Variants in VAC14 observed in about 807,000 individuals in gnomAD.
The protein encoded by VAC14 is VAC14 component of PIKFYVE complex.
VAC14 carries 47 observed loss-of-function variants against 85.3 expected under a neutral mutation model. That is an observed-to-expected ratio of 0.55 (90% confidence interval 0.44 to 0.70). The LOEUF (loss-of-function observed/expected upper bound fraction) is 0.70, where lower values mean the gene tolerates loss of function less well. VAC14 is among the 30% of genes least tolerant of loss of function. The probability of loss-of-function intolerance (pLI) is 0.00; values close to 1 mark genes in which losing one functional copy is unlikely to be tolerated. For missense variants in VAC14, 861 were observed against 1,004.3 expected (o/e 0.86, Z 1.93); for synonymous variants, 447 against 430.5 (o/e 1.04, Z -0.47).
intron 13 of VAC14, among the ~76,000 whole-genome samples, chr16:70,733,515 T>C (rs943136834): frequency 6.6e-6 from 1 of 151,882 alleles, no homozygotes; most frequent in African/African-American, 2.4e-5. Context: ...TGGGGCCTGG[T>C]GGGAGGTTAC....
chr16:70,786,470 G>T, intron 1 of VAC14, 105 bp from the exon 2 acceptor site: 2 of 1,463,426 alleles, frequency 1.4e-6, no homozygotes, highest in South Asian at 2.6e-5. Flanking sequence ...TTGGAAAGAG[G>T]AAATGGGAGA....
chr16:70,796,812 T>C (rs2034565136), intron 1 of VAC14, among the ~76,000 whole-genome samples: 1 of 152,202 alleles, frequency 6.6e-6, no homozygotes, highest in South Asian at 2.1e-4. Context: ...CCCAGATTCA[T>C]ATATTGAAGT....
chr16:70,777,854 GA>G (rs1339120510), intron 9 of VAC14, among the ~76,000 whole-genome samples: 1 of 152,232 alleles, frequency 6.6e-6, no homozygotes, highest in East Asian at 1.9e-4. Flanking sequence ...AGTGGGAACA[GA>G]GGGAGCAGAG....
At chr16:70,705,354 C>T (rs944258931) in intron 14 of VAC14, among the ~76,000 whole-genome samples, 2 of 152,266 alleles carry the variant, frequency 1.3e-5, no homozygotes, top group East Asian at 1.9e-4. Flanking sequence ...CAGGAATGCC[C>T]TTCTGCCAGC....
chr16:70,727,789 G>A (rs1236018985), intron 14 of VAC14, among the ~76,000 whole-genome samples: 1 of 152,258 alleles, frequency 6.6e-6, no homozygotes, highest in Non-Finnish European at 1.5e-5. Flanking sequence ...GAAGCCACAT[G>A]TTTGCAGGGC....
intron 14 of VAC14, among the ~76,000 whole-genome samples, chr16:70,727,709 AC>A (rs1234187593): frequency 6.6e-6 from 1 of 152,032 alleles, no homozygotes; most frequent in African/African-American, 2.4e-5. Flanking sequence ...GCAGGTGGAT[AC>A]CCCCCTCCAC....
intron 12 of VAC14, among the ~76,000 whole-genome samples, chr16:70,755,497 T>C (rs984564779): frequency 6.6e-6 from 1 of 152,052 alleles, no homozygotes; most frequent in Admixed American, 6.5e-5. Flanking sequence ...CAGACAGATT[T>C]GACTGTCAAT....
intron 5 of VAC14, 70 bp downstream of exon 5, chr16:70,784,043 G>C: frequency 7.7e-7 from 1 of 1,304,134 alleles, no homozygotes. Context: ...CAAAGGGCCT[G>C]ACAAGAGTGT....
chr16:70,794,587 C>T (rs1316115710), intron 1 of VAC14, among the ~76,000 whole-genome samples: 1 of 152,224 alleles, frequency 6.6e-6, no homozygotes, highest in Non-Finnish European at 1.5e-5. Flanking sequence ...AAGCTCCCGA[C>T]GATTTGCTTT....
intron 14 of VAC14, among the ~76,000 whole-genome samples, chr16:70,708,238 G>A (rs11649305): frequency 0.49 from 73,979 of 152,092 alleles, 18,951 homozygotes; most frequent in Non-Finnish European, 0.56. Flanking sequence ...TCCTTCCTAA[G>A]GTGGTACTTG....
At chr16:70,765,506 T>A (rs3760118) in intron 10 of VAC14, among the ~76,000 whole-genome samples, 17,966 of 152,202 alleles carry the variant, frequency 0.12, 1,150 homozygotes, top group Middle Eastern at 0.19. Context: ...AAAAGCCCTA[T>A]GGCCTAAAGC....
At chr16:70,792,762 T>C (rs1300530554) in intron 1 of VAC14, among the ~76,000 whole-genome samples, 1 of 152,216 alleles carries the variant, frequency 6.6e-6, no homozygotes, top group Non-Finnish European at 1.5e-5. Flanking sequence ...ACCCCTTAGC[T>C]TAACTCTGTA....
At chr16:70,765,587 G>A (rs1046310489) in intron 10 of VAC14, among the ~76,000 whole-genome samples, 3 of 152,186 alleles carry the variant, frequency 2.0e-5, no homozygotes, top group Non-Finnish European at 4.4e-5. Context: ...AAGATTACAC[G>A]GCCAGGGAAT....
rs769608639 is a variant in VAC14, at chr16:70,781,892, A to T, written c.923T>A (p.Leu308Ter). The stretch of plus-strand genomic sequence containing the variant: ...ACTTTTCTTGCGGTCATCGTAGGCC[A>T]AGCAGGGCAAGACAGCAGTCAGGAT... ...SGILTAVLPC[L>*]AYDDRKKSIK... The change falls in exon 8 of 19, where the codon TTG becomes TAG. Residue 308 changes from leucine to a stop codon, truncating the protein, a stop_gained. Coordinates refer to ENST00000261776, the MANE Select transcript of VAC14 (RefSeq NM_018052.5). LOFTEE classifies it high-confidence loss of function. 1.9e-5 allele frequency: 30 copies of T among 1,614,022 alleles called. No individual in the cohort carries two copies. Among genetic ancestry groups the T allele is most frequent in the Non-Finnish European group, 2.5e-5 (30 of 1,180,022 alleles).
chr16:70,793,846 A>G (rs2034435065), intron 1 of VAC14, among the ~76,000 whole-genome samples: 1 of 152,256 alleles, frequency 6.6e-6, no homozygotes, highest in African/African-American at 2.4e-5. Flanking sequence ...ACAAGCTGTG[A>G]TCTTATACAT....
At chr16:70,784,291 CCCAGGGCTGGCT>C in intron 4 of VAC14, 71 bp from the exon 5 acceptor site, 1 of 1,335,282 alleles carries the variant, frequency 7.5e-7, no homozygotes, top group Non-Finnish European at 1.1e-6. Context: ...GAATCACTTG[CCCAGGGCTGGCT>C]CCAGCGCTCA....
At chr16:70,742,446 A>T (rs1039683366) in intron 13 of VAC14, among the ~76,000 whole-genome samples, 2 of 152,090 alleles carry the variant, frequency 1.3e-5, no homozygotes, top group Non-Finnish European at 2.9e-5. Context: ...CCAAGGACTT[A>T]AGGTTGGCCC....
At chr16:70,708,521 A>G (rs1256632450) in intron 14 of VAC14, among the ~76,000 whole-genome samples, 1 of 152,238 alleles carries the variant, frequency 6.6e-6, no homozygotes, top group Non-Finnish European at 1.5e-5. Context: ...CGCATTCTGC[A>G]AGGAGTCCCT....
rs187350714 is a variant in VAC14, at chr16:70,736,494, G to C, written c.1529-4867C>G. Among the ~76,000 whole-genome samples, 41 of 152,274 alleles carry C rather than the reference G, an allele frequency of 2.7e-4. No homozygotes were observed. The East Asian group carries it at 7.5e-3, about 28-fold the overall frequency. Reference sequence around the variant, plus strand: ...GGCCACCTGTGACCCCCACACATCTGGGGAGGGAGATCAGCCCATCTCTCC... The same window carrying C: ...GGCCACCTGTGACCCCCACACATCTCGGGAGGGAGATCAGCCCATCTCTCC... On this transcript the variant is annotated intron_variant, in intron 13 of 18. Transcript: ENST00000261776.
Sources: allele counts gnomAD v4.1 joint callset (sites outside exome capture counted in the v4.1 genomes callset), GRCh38; gene constraint gnomAD v4.1.1; transcripts MANE v1.5; gene names NCBI Gene and HGNC (gene_info 2026-07-23, HGNC 2026-07-21).